UTP18: variants seen among roughly 807,000 people sequenced by gnomAD.
The protein encoded by UTP18 is UTP18 small subunit processome component.
In UTP18, 36 loss-of-function variants were observed where a neutral mutation model predicts 61.1. The ratio of observed to expected loss-of-function variants is 0.59; its 90% confidence interval spans 0.45 to 0.78. The LOEUF (loss-of-function observed/expected upper bound fraction) is 0.78. Among genes scored for constraint, UTP18 ranks in the 30% least tolerant of loss-of-function variants. The pLI, the probability that UTP18 is intolerant of heterozygous loss-of-function variation, is 0.00. For missense variants in UTP18, 753 were observed against 693.9 expected (o/e 1.09, Z -0.96); for synonymous variants, 282 against 251.1 (o/e 1.12, Z -1.16).
intron 10 of UTP18, 101 bp downstream of exon 10, chr17:51,285,469 A>G: frequency 7.2e-7 from 1 of 1,393,754 alleles, no homozygotes; most frequent in Non-Finnish European, 9.7e-7. Flanking sequence ...TTCTCTTTAT[A>G]AACTATTCAG....
intron 4 of UTP18, among the ~76,000 whole-genome samples, chr17:51,269,508 G>A (rs964209056): frequency 1.3e-5 from 2 of 151,930 alleles, no homozygotes; most frequent in Non-Finnish European, 2.9e-5. Flanking sequence ...CTGAGAGTCC[G>A]GAGTATATCC....
intron 5 of UTP18, among the ~76,000 whole-genome samples, chr17:51,274,895 T>A (rs1904664841): frequency 6.6e-6 from 1 of 151,886 alleles, no homozygotes. Context: ...TTCACCTCCA[T>A]TAAAAATGTA....
At chr17:51,265,272 T>C (rs899298372) in intron 2 of UTP18, among the ~76,000 whole-genome samples, 2 of 151,928 alleles carry the variant, frequency 1.3e-5, no homozygotes, top group Non-Finnish European at 2.9e-5. Flanking sequence ...TGCTCTTTTT[T>C]TTTTTTTTGA....
chr17:51,280,274 A>C, intron 8 of UTP18, 115 bp from the exon 9 acceptor site: 1 of 1,344,114 alleles, frequency 7.4e-7, no homozygotes, highest in Non-Finnish European at 1.0e-6. Context: ...GATTACAGGG[A>C]AAAATAAAGT....
At chr17:51,273,154 G>A (rs1309750381) in intron 4 of UTP18, among the ~76,000 whole-genome samples, 1 of 151,174 alleles carries the variant, frequency 6.6e-6, no homozygotes, top group East Asian at 1.9e-4. Flanking sequence ...TGGATGTTAA[G>A]CTTTGTGTCA....
chr17:51,285,182 A>G, intron 9 of UTP18, 63 bp from the exon 10 acceptor site: 1 of 1,596,836 alleles, frequency 6.3e-7, no homozygotes, highest in East Asian at 2.2e-5. Context: ...GAGAGTGGCC[A>G]GTTTACTTGC....
chr17:51,286,056 A>G (rs949224127), intron 10 of UTP18, among the ~76,000 whole-genome samples: 2 of 152,236 alleles, frequency 1.3e-5, no homozygotes, highest in African/African-American at 2.4e-5. Flanking sequence ...AAAGATACCT[A>G]AAGCATTTTT....
chr17:51,274,741 G>A lies in UTP18; in HGVS notation c.712-1125G>A, dbSNP rs1437489960. ...GCTGGGATTACAGGCGTGAGCCACC[G>A]CGCCCAGCGACATAGGTCTCTTTTC... On this transcript the variant is annotated intron_variant, in intron 5 of 13. Transcript: ENST00000225298. Among the ~76,000 whole-genome samples the A allele has an allele frequency of 4.0e-5, 6 of 151,380 alleles. No homozygotes were observed. In the South Asian group the frequency reaches 8.4e-4, roughly 21 times the overall value.
chr17:51,277,067 T>C, intron 6 of UTP18, 63 bp from the exon 7 acceptor site: 1 of 1,528,774 alleles, frequency 6.5e-7, no homozygotes, highest in Non-Finnish European at 8.9e-7. Context: ...GTGAAAAGTA[T>C]ATACTACCAG....
intron 12 of UTP18, among the ~76,000 whole-genome samples, chr17:51,295,791 A>G (rs1905354513): frequency 6.6e-6 from 1 of 152,198 alleles, no homozygotes; most frequent in Admixed American, 6.5e-5. Context: ...AACCTTGGGC[A>G]GTACTTTGGG....
chr17:51,272,004 T>A (rs1904546549), intron 4 of UTP18, among the ~76,000 whole-genome samples: 1 of 152,146 alleles, frequency 6.6e-6, no homozygotes, highest in Non-Finnish European at 1.5e-5. Flanking sequence ...ATTTTTCAGC[T>A]CTAGAATTTC....
At chr17:51,268,936 C>T (rs777797258) in intron 4 of UTP18, 32 bp downstream of exon 4, 3 of 1,591,164 alleles carry the variant, frequency 1.9e-6, no homozygotes, top group South Asian at 1.1e-5. Flanking sequence ...TAAATTAGTA[C>T]ATAAGTCCCT....
In UTP18 at chr17:51,263,302, C is replaced by A. The variant is rs1056278414; in HGVS notation, c.371C>A (p.Ser124Ter). ...CAAGAACATGAAGACTCGGGTGACT[C>A]AGAAGTGGAGAATGAAGCAAAAGGT... ...RVQEHEDSGD[S>*]EVENEAKGNF... Residue 124 changes from serine to a stop codon, truncating the protein, a stop_gained, in exon 2 of 14, where the codon TCA (serine) becomes TAA (stop). Coordinates refer to ENST00000225298, the MANE Select transcript of UTP18 (RefSeq NM_016001.3). LOFTEE classifies it high-confidence loss of function. 7 of 1,614,152 alleles carry A rather than the reference C, an allele frequency of 4.3e-6. No individual in the cohort carries two copies. The highest frequency in any genetic ancestry group is 5.9e-6 in the Non-Finnish European group (7 of 1,180,018).
chr17:51,279,604 T>C (rs765046566), intron 7 of UTP18, among the ~76,000 whole-genome samples: 3 of 152,230 alleles, frequency 2.0e-5, no homozygotes, highest in Non-Finnish European at 4.4e-5. Flanking sequence ...TTTTTATGTT[T>C]TTGGCTGTCT....
At position 51,260,599 on chromosome 17, in the gene UTP18, G is replaced by C. The variant is rs199741654; in HGVS notation, c.15G>C (p.Arg5=). 1.9e-6 allele frequency: 3 copies of C among 1,612,404 alleles called. No individual in the cohort carries two copies. Among genetic ancestry groups the C allele is most frequent in the East Asian group, 4.5e-5 (2 of 44,832 alleles). The change falls in exon 1 of 14, where the codon CGG becomes CGC. Residue 5 remains arginine (R), a synonymous_variant. Coordinates refer to ENST00000225298, the MANE Select transcript of UTP18 (RefSeq NM_016001.3). MPPE[R]RRRMKLDRRT... is the part of the protein sequence containing the mutation. ...CAAACCTAACGATGCCGCCGGAGCGGAGGAGACGAATGAAACTGGACCGGA... is the reference window on the plus strand; with the variant it reads ...CAAACCTAACGATGCCGCCGGAGCGCAGGAGACGAATGAAACTGGACCGGA...
In UTP18 at chr17:51,285,296, G is replaced by C; in HGVS notation, c.1256G>C (p.Arg419Thr). ...GTGAACTCAAGGAAGTGCCTTAACAGATTTGTTGATGAAGGCAGTTTATAT... is the reference window on the plus strand; with the variant it reads ...GTGAACTCAAGGAAGTGCCTTAACACATTTGTTGATGAAGGCAGTTTATAT... Reference protein sequence around the residue: ...WDVNSRKCLNRFVDEGSLYGL... With the variant: ...WDVNSRKCLNTFVDEGSLYGL... Residue 419 changes from arginine (R) to threonine (T), a missense_variant, in exon 10 of 14, where the codon AGA becomes ACA. Physicochemically the swap from Arg to Thr is moderately conservative, Grantham distance 71. Transcript: ENST00000225298. 1 of 1,613,942 alleles carries C rather than the reference G, an allele frequency of 6.2e-7. No individual in the cohort carries two copies. Among genetic ancestry groups the C allele is most frequent in the Non-Finnish European group, 8.5e-7 (1 of 1,179,932 alleles).
chr17:51,273,023 A>G (rs1904579049), intron 4 of UTP18, among the ~76,000 whole-genome samples: 1 of 152,238 alleles, frequency 6.6e-6, no homozygotes, highest in South Asian at 2.1e-4. Flanking sequence ...TGCCATAATT[A>G]TGAGTTGCTC....
At chr17:51,288,967 A>G (rs1905180081) in intron 11 of UTP18, among the ~76,000 whole-genome samples, 1 of 152,190 alleles carries the variant, frequency 6.6e-6, no homozygotes, top group Non-Finnish European at 1.5e-5. Flanking sequence ...GAAGGTTTTT[A>G]TTGGGACTTC....
At chr17:51,271,511 A>G (rs1904529490) in intron 4 of UTP18, among the ~76,000 whole-genome samples, 1 of 151,934 alleles carries the variant, frequency 6.6e-6, no homozygotes, top group Non-Finnish European at 1.5e-5. Flanking sequence ...ACAGGATCTT[A>G]TTATGTTGCC....
Sources: allele counts gnomAD v4.1 joint callset (sites outside exome capture counted in the v4.1 genomes callset), GRCh38; gene constraint gnomAD v4.1.1; transcripts MANE v1.5; gene names NCBI Gene and HGNC (gene_info 2026-07-23, HGNC 2026-07-21).